The following EGFLAM variants were observed in gnomAD, a reference collection of about 807,000 sequenced individuals.
EGFLAM encodes EGF like, fibronectin type III and laminin G domains.
EGFLAM carries 79 observed loss-of-function variants against 113.1 expected under a neutral mutation model. The ratio of observed to expected loss-of-function variants is 0.70; its 90% CI spans 0.58 to 0.84. EGFLAM has a LOEUF of 0.84. Among genes scored for constraint, EGFLAM ranks in the 40% least tolerant of loss-of-function variants. EGFLAM has a pLI of 0.00. For synonymous variants in EGFLAM, 504 were observed against 487.6 expected, an observed-to-expected ratio of 1.03 and a Z score of -0.44; for missense variants, 1,265 against 1,291.6, an observed-to-expected ratio of 0.98 and a Z score of 0.32.
chr5:38,326,780 C>T (rs774377360), intron 1 of EGFLAM, among the ~76,000 whole-genome samples: 8 of 151,654 alleles, frequency 5.3e-5, no homozygotes, highest in Non-Finnish European at 1.0e-4. Flanking sequence ...GCGTGAGCCA[C>T]CGCGCCTGGC....
At chr5:38,344,438 G>A (rs987410437) in intron 3 of EGFLAM, among the ~76,000 whole-genome samples, 1 of 149,948 alleles carries the variant, frequency 6.7e-6, no homozygotes, top group Non-Finnish European at 1.5e-5. Context: ...AGCTGGGATC[G>A]CATCATTGCA....
intron 6 of EGFLAM, among the ~76,000 whole-genome samples, chr5:38,380,775 T>A (rs1314927472): frequency 6.7e-6 from 1 of 149,586 alleles, no homozygotes; most frequent in Non-Finnish European, 1.5e-5. Flanking sequence ...CTACAGGGAA[T>A]GATTCACTTT....
intron 1 of EGFLAM, among the ~76,000 whole-genome samples, chr5:38,310,685 G>A (rs766137063): frequency 2.6e-5 from 4 of 151,738 alleles, no homozygotes; most frequent in Non-Finnish European, 5.9e-5. Context: ...TTATCCATAT[G>A]TACCCTTGTG....
intron 5 of EGFLAM, among the ~76,000 whole-genome samples, chr5:38,366,555 A>G (rs1213115023): frequency 6.6e-6 from 1 of 152,190 alleles, no homozygotes; most frequent in African/African-American, 2.4e-5. Flanking sequence ...AAGAAAAGTG[A>G]TTGTTCACTA....
At chr5:38,343,941 C>T (rs931524751) in intron 3 of EGFLAM, among the ~76,000 whole-genome samples, 2 of 152,222 alleles carry the variant, frequency 1.3e-5, no homozygotes, top group African/African-American at 4.8e-5. Flanking sequence ...GCAGCAGAAC[C>T]TGGCTCTCCT....
At chr5:38,305,510 C>G (rs1362311873) in intron 1 of EGFLAM, 1 of 452,604 alleles carries the variant, frequency 2.2e-6, no homozygotes, top group South Asian at 1.6e-5. Context: ...AACAGAAGAT[C>G]CAATCCAGGA....
chr5:38,299,619 A>T (rs1329187963), intron 1 of EGFLAM, among the ~76,000 whole-genome samples: 1 of 151,412 alleles, frequency 6.6e-6, no homozygotes, highest in Non-Finnish European at 1.5e-5. Context: ...ATTAGTAGAA[A>T]CTCCTGTGTT....
chr5:38,268,285 C>T (rs573370761), intron 1 of EGFLAM, among the ~76,000 whole-genome samples: 1 of 152,284 alleles, frequency 6.6e-6, no homozygotes, highest in East Asian at 1.9e-4. Context: ...CCCACCTCAG[C>T]TGTCTTCCTC....
In EGFLAM at chr5:38,465,350, T is replaced by A. The variant is rs1743434421; in HGVS notation, c.*1364T>A. Among the ~76,000 whole-genome samples the A allele has an allele frequency of 6.6e-6, 1 of 152,244 alleles. No individual in the cohort carries two copies. The highest frequency in any genetic ancestry group is 1.9e-4 in the East Asian group (1 of 5,204). ...ATGATCTAACTTATGCAAGAGCCTATAATTAGTCCCAGTCTCGACTCTACA... is the reference window on the plus strand; with the variant it reads ...ATGATCTAACTTATGCAAGAGCCTAAAATTAGTCCCAGTCTCGACTCTACA... On this transcript the variant is annotated 3_prime_UTR_variant, in exon 22 of 22. Transcript: ENST00000322350.
chr5:38,319,301 C>T (rs1279510670), intron 1 of EGFLAM, among the ~76,000 whole-genome samples: 1 of 152,080 alleles, frequency 6.6e-6, no homozygotes, highest in Non-Finnish European at 1.5e-5. Context: ...ATTTCTTTTC[C>T]CTAGTGGTCT....
chr5:38,350,332 A>G (rs1444140216), intron 3 of EGFLAM, among the ~76,000 whole-genome samples, 169 bp from the exon 4 acceptor site: 6 of 152,104 alleles, frequency 3.9e-5, no homozygotes, highest in East Asian at 1.9e-4. Context: ...TGTCATGGCT[A>G]TTTTTTTCTT....
At chr5:38,270,466 G>T (rs1757739472) in intron 1 of EGFLAM, among the ~76,000 whole-genome samples, 1 of 147,552 alleles carries the variant, frequency 6.8e-6, no homozygotes, top group Non-Finnish European at 1.5e-5. Context: ...CCCAATTGGT[G>T]TAGTTAAATA....
chr5:38,406,198 A>G lies in EGFLAM; in HGVS notation c.785A>G (p.Glu262Gly). 1.2e-6 allele frequency: 2 copies of G among 1,614,138 alleles called. No homozygotes were observed. Among genetic ancestry groups the G allele is most frequent in the Non-Finnish European group, 1.7e-6 (2 of 1,180,008 alleles). Residue 262 changes from glutamate (E) to glycine (G), a missense_variant, in exon 7 of 22, where the codon GAA becomes GGA. Transcript: ENST00000322350. The part of the protein sequence containing the change: ...ITDMGAGEDD[E>G]GFEDDLDLDI... Reference sequence around the variant, plus strand: ...GACATGGGAGCTGGTGAGGATGATGAAGGATTTGAAGACGACTTAGATTTG... The same window carrying G: ...GACATGGGAGCTGGTGAGGATGATGGAGGATTTGAAGACGACTTAGATTTG...
intron 6 of EGFLAM, 139 bp from the exon 7 acceptor site, chr5:38,405,987 T>C (rs1206357295): frequency 1.8e-5 from 13 of 721,892 alleles, no homozygotes; most frequent in Non-Finnish European, 3.2e-5. Flanking sequence ...GACGCTTCCT[T>C]TTCTGTGTTG....
At chr5:38,449,083 A>G (rs1307197610) in intron 18 of EGFLAM, among the ~76,000 whole-genome samples, 1 of 150,868 alleles carries the variant, frequency 6.6e-6, no homozygotes, top group East Asian at 1.9e-4. Context: ...TGTCTTTGGC[A>G]CTTTCAGTTT....
Position 38,442,583 on chromosome 5 carries a change from T to A in EGFLAM, c.2464+4128T>A, listed in dbSNP as rs569717994. On this transcript the variant is annotated intron_variant, in intron 17 of 21. Transcript: ENST00000322350. ...TTTATCTTACAGATGAATTAAAGAG[T>A]GAAACATGCAAACATACACATTAAA... Among the ~76,000 whole-genome samples, 17 of 152,032 alleles carry A rather than the reference T, an allele frequency of 1.1e-4. No individual in the cohort carries two copies. The East Asian group carries it at 1.5e-3, about 14-fold the overall frequency.
At chr5:38,409,740 A>T (rs1466385018) in intron 10 of EGFLAM, among the ~76,000 whole-genome samples, 1 of 152,116 alleles carries the variant, frequency 6.6e-6, no homozygotes, top group Non-Finnish European at 1.5e-5. Context: ...CCAACCTCCT[A>T]TGGGCTTACC....
chr5:38,442,179 GA>G (rs1258088414), intron 17 of EGFLAM, among the ~76,000 whole-genome samples: 1 of 151,604 alleles, frequency 6.6e-6, no homozygotes, highest in African/African-American at 2.4e-5. Flanking sequence ...GTAAATATAA[GA>G]AAACTCTGTA....
chr5:38,407,946 TTTAACACAGCAATG>T (rs1741347063), intron 9 of EGFLAM, 41 bp downstream of exon 9: 2 of 1,454,038 alleles, frequency 1.4e-6, no homozygotes, highest in Non-Finnish European at 1.9e-6. Context: ...TTTTGGACAC[TTTAACACAGCAATG>T]TGCTACATTC....
Sources: gnomAD v4.1 joint callset for allele counts (sites outside exome capture counted in the v4.1 genomes callset) on GRCh38, gnomAD v4.1.1 for gene constraint, MANE v1.5 for transcripts, NCBI Gene and HGNC (gene_info 2026-07-23, HGNC 2026-07-21) for gene names.